The following USP8 variants were observed in gnomAD, a reference collection of about 807,000 sequenced individuals.
USP8 encodes the protein ubiquitin carboxyl-terminal hydrolase 8.
USP8 carries 27 observed loss-of-function variants against 130.0 expected under a neutral mutation model. The observed-to-expected ratio is 0.21, with a 90% CI of 0.15 to 0.29. The LOEUF is 0.29. Ranked by LOEUF, USP8 falls within the 10% of genes least tolerant of loss-of-function variation. The pLI, the probability that USP8 is intolerant of heterozygous loss-of-function variation, is 1.00. For missense variants in USP8, 1,029 were observed against 1,312.2 expected, an observed-to-expected ratio of 0.78 and a Z score of 3.33; for synonymous variants, 392 against 444.1, an observed-to-expected ratio of 0.88 and a Z score of 1.48.
chr15:50,468,868 GCA>G (rs1566866380), intron 7 of USP8, among the ~76,000 whole-genome samples: 1 of 152,004 alleles, frequency 6.6e-6, no homozygotes. Flanking sequence ...TTAACTGAAT[GCA>G]CCCACTTAAT....
chr15:50,437,312 C>G (rs925469975), intron 1 of USP8, among the ~76,000 whole-genome samples: 1 of 152,158 alleles, frequency 6.6e-6, no homozygotes, highest in Non-Finnish European at 1.5e-5. Context: ...CTCTCCCTCT[C>G]CCAAGAAATA....
At chr15:50,449,296 C>A in intron 3 of USP8, 104 bp from the exon 4 acceptor site, 1 of 607,854 alleles carries the variant, frequency 1.6e-6, no homozygotes, top group South Asian at 3.8e-5. Context: ...TGTAATAAAA[C>A]AAACTTCCCT....
chr15:50,503,110 G>C lies in USP8; in HGVS notation c.*4022G>C, dbSNP rs1461867114. ...CGCCTGTAATCCCAGCACTTTGGGAGGCTGAGGCAGGCGGATCACTTGAGG... is the reference window on the plus strand; with the variant it reads ...CGCCTGTAATCCCAGCACTTTGGGACGCTGAGGCAGGCGGATCACTTGAGG... On this transcript the variant is annotated 3_prime_UTR_variant, in exon 20 of 20. Transcript: ENST00000307179. 2 of 152,380 alleles carry C rather than the reference G, an allele frequency of 1.3e-5. No individual in the cohort carries two copies. Among genetic ancestry groups the C allele is most frequent in the East Asian group, 1.9e-4 (1 of 5,186 alleles). The allele number at this position is 152,380 out of a possible 1,614,324, so 9.4% of individuals were successfully genotyped here.
intron 1 of USP8, among the ~76,000 whole-genome samples, chr15:50,437,744 A>G (rs2050131571): frequency 1.3e-5 from 2 of 152,244 alleles, no homozygotes; most frequent in Admixed American, 1.3e-4. Flanking sequence ...TTGTTGATGA[A>G]TTAGATACCT....
chr15:50,453,888 A>T, intron 4 of USP8, among the ~76,000 whole-genome samples: 1 of 107,582 alleles, frequency 9.3e-6, no homozygotes, highest in Non-Finnish European at 1.8e-5. Context: ...TTTTTGAGAC[A>T]GGGTCTCACT....
At position 50,477,373 on chromosome 15, in the gene USP8, G is replaced by C. The variant is rs1301593548; in HGVS notation, c.1092G>C (p.Leu364Phe). 1 of 1,614,130 alleles carries C rather than the reference G, an allele frequency of 6.2e-7. No homozygotes were observed. Reference sequence around the variant, plus strand: ...TAGAAGTAGATGAAAATATAGAATTGATAAGTGGTCAAAATGAGAGAATGG... The same window carrying C: ...TAGAAGTAGATGAAAATATAGAATTCATAAGTGGTCAAAATGAGAGAATGG... Reference protein sequence around the residue: ...ASIEVDENIELISGQNERMGP... With the variant: ...ASIEVDENIEFISGQNERMGP... The change falls in exon 10 of 20, where the codon TTG becomes TTC. Residue 364 changes from leucine to phenylalanine, a missense_variant. Physicochemically the swap from Leu to Phe is conservative, Grantham distance 22. Coordinates refer to ENST00000307179, the MANE Select transcript of USP8 (RefSeq NM_005154.5).
chr15:50,495,907 T>G lies in USP8; in HGVS notation c.2718T>G (p.Ala906=). Residue 906 remains alanine, a synonymous_variant, in exon 17 of 20, where the codon GCT becomes GCG. Coordinates refer to ENST00000307179, the MANE Select transcript of USP8 (RefSeq NM_005154.5). ...ENNDHLDDFK[A]AEHAWQKHKQ... is the part of the protein sequence containing the mutation. ...ATGATCATCTCGATGACTTTAAAGCTGCAGAACATGCCTGGCAGAAACACA... is the reference window on the plus strand; with the variant it reads ...ATGATCATCTCGATGACTTTAAAGCGGCAGAACATGCCTGGCAGAAACACA... 1 of 1,613,900 alleles carries G rather than the reference T, an allele frequency of 6.2e-7. No individual in the cohort carries two copies. The highest frequency in any genetic ancestry group is 8.5e-7 in the Non-Finnish European group (1 of 1,180,010).
chr15:50,493,087 G>C (rs2052239762), intron 15 of USP8, 174 bp downstream of exon 15: 1 of 742,176 alleles, frequency 1.3e-6, no homozygotes, highest in East Asian at 2.9e-5. Flanking sequence ...CATCGTCTAG[G>C]TGCCGGCATC....
At chr15:50,456,522 C>T (rs2050794330) in intron 4 of USP8, among the ~76,000 whole-genome samples, 2 of 149,886 alleles carry the variant, frequency 1.3e-5, no homozygotes, top group Non-Finnish European at 3.0e-5. Flanking sequence ...TTCAGTGAGC[C>T]GAGATCCCAC....
rs1467284951 is a variant in USP8, at chr15:50,494,642, A to T, written c.2658+362A>T. Among the ~76,000 whole-genome samples the T allele has an allele frequency of 2.0e-5, 3 of 152,336 alleles. No individual in the cohort carries two copies. In the East Asian group the frequency reaches 5.8e-4, roughly 29 times the overall value. ...TTATATAATATGTATATGTTATTGT[A>T]CATATCCTTATTCTTTTCTTTTTCC... is the stretch of plus-strand genomic sequence containing the variant. On this transcript the variant is annotated intron_variant, in intron 16 of 19. Transcript: ENST00000307179.
intron 11 of USP8, among the ~76,000 whole-genome samples, chr15:50,482,677 T>G (rs1310502723): frequency 6.6e-6 from 1 of 152,224 alleles, no homozygotes; most frequent in East Asian, 1.9e-4. Flanking sequence ...AATGCTATGC[T>G]TTTCTTTTTT....
intron 4 of USP8, among the ~76,000 whole-genome samples, chr15:50,455,529 A>G (rs906962602): frequency 3.3e-5 from 5 of 152,236 alleles, no homozygotes; most frequent in Non-Finnish European, 4.4e-5. Flanking sequence ...TGCTAAATGC[A>G]TCATCTTAGA....
chr15:50,498,608 T>C lies in USP8; in HGVS notation c.3051T>C (p.Asp1017=). The change falls in exon 19 of 20, where the codon GAT becomes GAC. Residue 1017 remains aspartate (D), a synonymous_variant. Coordinates refer to ENST00000307179, the MANE Select transcript of USP8 (RefSeq NM_005154.5). ...LLVHLKRFSY[D]GRWKQKLQTS... is the part of the protein sequence containing the mutation. The stretch of plus-strand genomic sequence containing the variant: ...TTTTGTTCTGCAGTTTTTCCTACGA[T>C]GGCAGGTGGAAACAAAAATTACAGA... The C allele has an allele frequency of 6.2e-7, 1 of 1,608,910 alleles. No homozygotes were observed. Among genetic ancestry groups the C allele is most frequent in the Non-Finnish European group, 8.5e-7 (1 of 1,178,120 alleles).
chr15:50,498,875 A>G (rs1566895671), intron 19 of USP8, 28 bp from the exon 20 acceptor site: 2 of 1,560,976 alleles, frequency 1.3e-6, no homozygotes, highest in East Asian at 2.3e-5. Flanking sequence ...AACTGAATTG[A>G]TTTTTTTTTC....
intron 3 of USP8, among the ~76,000 whole-genome samples, chr15:50,442,132 G>T (rs140074082): frequency 2.7e-4 from 41 of 152,014 alleles, no homozygotes; most frequent in African/African-American, 9.4e-4. Flanking sequence ...GTGCCACCAA[G>T]CCTGGCTAAT....
At chr15:50,493,153 A>G (rs903102007) in intron 15 of USP8, 1 of 595,290 alleles carries the variant, frequency 1.7e-6, no homozygotes, top group Non-Finnish European at 3.1e-6. Flanking sequence ...GAAAGAGGAC[A>G]GACTCGTCCT....
At chr15:50,426,432 T>A (rs2049727208) in intron 1 of USP8, among the ~76,000 whole-genome samples, 2 of 152,232 alleles carry the variant, frequency 1.3e-5, no homozygotes, top group Admixed American at 1.3e-4. Context: ...TGTAATTTAG[T>A]ATCTCTCCTG....
intron 4 of USP8, among the ~76,000 whole-genome samples, chr15:50,449,890 CT>C (rs1198558839): frequency 0.36 from 28,555 of 78,560 alleles, 4,974 homozygotes; most frequent in Non-Finnish European, 0.47. Context: ...CCCAATATTT[CT>C]TTTTTTTTTT....
chr15:50,439,229 C>T (rs545664035), intron 2 of USP8, 52 bp downstream of exon 2: 18 of 1,144,844 alleles, frequency 1.6e-5, no homozygotes, highest in East Asian at 2.7e-5. Flanking sequence ...ATTTTTAGTT[C>T]GTTTCCATAT....
Sources: gnomAD v4.1 joint callset for allele counts (sites outside exome capture counted in the v4.1 genomes callset) on GRCh38, gnomAD v4.1.1 for gene constraint, MANE v1.5 for transcripts, NCBI Gene and HGNC (gene_info 2026-07-23, HGNC 2026-07-21) for gene names.